Variants in PAK5 observed in about 807,000 individuals in gnomAD.
The protein encoded by PAK5 is p21 (RAC1) activated kinase 5.
In PAK5, 16 loss-of-function variants were observed where a neutral mutation model predicts 65.9. The ratio of observed to expected loss-of-function variants is 0.24; its 90% CI spans 0.16 to 0.37. The LOEUF (loss-of-function observed/expected upper bound fraction) is 0.37. PAK5 is among the 10% of genes least tolerant of loss of function. PAK5 has a pLI of 1.00. For synonymous variants in PAK5, 371 were observed against 354.9 expected (o/e 1.05, Z -0.51); for missense variants, 785 against 903.9 (o/e 0.87, Z 1.69).
intron 1 of PAK5, among the ~76,000 whole-genome samples, chr20:9,734,413 C>T (rs1409836585): frequency 6.6e-6 from 1 of 151,890 alleles, no homozygotes. Flanking sequence ...GGGATACATA[C>T]AGGGAGAGAC....
chr20:9,695,737 T>C (rs1211630346), intron 2 of PAK5, among the ~76,000 whole-genome samples: 2 of 152,106 alleles, frequency 1.3e-5, no homozygotes, highest in Non-Finnish European at 2.9e-5. Context: ...AAGGATACTG[T>C]TGAGAAGCTA....
At chr20:9,630,445 A>G (rs2123224241) in intron 3 of PAK5, among the ~76,000 whole-genome samples, 1 of 152,354 alleles carries the variant, frequency 6.6e-6, no homozygotes, top group South Asian at 2.1e-4. Flanking sequence ...AAGGAGGCCA[A>G]GGAACAGGAA....
At chr20:9,680,047 C>G (rs1316706208) in intron 2 of PAK5, among the ~76,000 whole-genome samples, 1 of 152,164 alleles carries the variant, frequency 6.6e-6, no homozygotes, top group African/African-American at 2.4e-5. Context: ...TTTTCAAAAC[C>G]TACCTATGTG....
At chr20:9,702,505 G>A (rs1569048472) in intron 2 of PAK5, among the ~76,000 whole-genome samples, 1 of 152,126 alleles carries the variant, frequency 6.6e-6, no homozygotes, top group East Asian at 1.9e-4. Flanking sequence ...ATCACGATGT[G>A]TAAAATGTAC....
chr20:9,682,572 A>G (rs931554415), intron 2 of PAK5, among the ~76,000 whole-genome samples: 2 of 152,188 alleles, frequency 1.3e-5, no homozygotes, highest in African/African-American at 2.4e-5. Context: ...TGAGCTTGCA[A>G]TGGTTTTATT....
chr20:9,699,751 A>T (rs1297616310), intron 2 of PAK5, among the ~76,000 whole-genome samples: 1 of 152,074 alleles, frequency 6.6e-6, no homozygotes, highest in Non-Finnish European at 1.5e-5. Context: ...CTTGGAAAAA[A>T]AAGTGAAATA....
chr20:9,670,274 T>C (rs1036635684), intron 2 of PAK5, among the ~76,000 whole-genome samples: 119 of 152,352 alleles, frequency 7.8e-4, no homozygotes, highest in Non-Finnish European at 1.3e-3. Flanking sequence ...TATAATCCTC[T>C]GGGTATATAC....
At chr20:9,676,346 A>G (rs942919413) in intron 2 of PAK5, among the ~76,000 whole-genome samples, 1 of 152,158 alleles carries the variant, frequency 6.6e-6, no homozygotes, top group Non-Finnish European at 1.5e-5. Context: ...AATTGGGTCA[A>G]TCTATATATT....
intron 1 of PAK5, among the ~76,000 whole-genome samples, chr20:9,816,461 G>C (rs2049358486): frequency 6.6e-6 from 1 of 152,118 alleles, no homozygotes; most frequent in African/African-American, 2.4e-5. Context: ...TGAATCAGCA[G>C]CCTGGGTAAA....
chr20:9,818,276 T>A (rs1243799471), intron 1 of PAK5, among the ~76,000 whole-genome samples: 4 of 152,156 alleles, frequency 2.6e-5, no homozygotes, highest in African/African-American at 9.7e-5. Flanking sequence ...AGTTTAGCCA[T>A]CCTCCTTACC....
intron 1 of PAK5, among the ~76,000 whole-genome samples, chr20:9,781,602 C>A (rs1376968489): frequency 6.6e-6 from 1 of 152,112 alleles, no homozygotes; most frequent in Admixed American, 6.6e-5. Flanking sequence ...CATGCCTAAA[C>A]CTGAATTCCT....
chr20:9,824,398 A>T (rs2049460643), intron 1 of PAK5, among the ~76,000 whole-genome samples: 1 of 152,180 alleles, frequency 6.6e-6, no homozygotes, highest in South Asian at 2.1e-4. Context: ...TTAAAAAAAA[A>T]TTTCCAAAAA....
At chr20:9,765,585 A>T (rs1287798118) in intron 1 of PAK5, among the ~76,000 whole-genome samples, 1 of 152,068 alleles carries the variant, frequency 6.6e-6, no homozygotes, top group Non-Finnish European at 1.5e-5. Context: ...GTAGCTTAAA[A>T]CTGGCCATGA....
At position 9,676,030 on chromosome 20, in the gene PAK5, T is replaced by C. The variant is rs2047566382; in HGVS notation, c.-11-31691A>G. Among the ~76,000 whole-genome samples, 5 of 152,264 alleles carry C rather than the reference T, an allele frequency of 3.3e-5. No homozygotes were observed. The South Asian group carries it at 1.0e-3, about 32-fold the overall frequency. ...CAATTTACAAAAGAAAGAGGTTTAA[T>C]TGGACTTAGAGTTGCACATGGCTGG... On this transcript the variant is annotated intron_variant, in intron 2 of 9. Transcript: ENST00000353224.
chr20:9,704,600 G>A (rs1345402103), intron 2 of PAK5, among the ~76,000 whole-genome samples: 1 of 152,094 alleles, frequency 6.6e-6, no homozygotes, highest in Non-Finnish European at 1.5e-5. Flanking sequence ...TATCTGTAGG[G>A]TATCTTGTCT....
At chr20:9,749,776 G>C (rs1161500575) in intron 1 of PAK5, among the ~76,000 whole-genome samples, 2 of 152,164 alleles carry the variant, frequency 1.3e-5, no homozygotes, top group Non-Finnish European at 2.9e-5. Context: ...TCCTTCATCA[G>C]GAAAGTCTTA....
chr20:9,789,926 A>G (rs1010769250), intron 1 of PAK5, among the ~76,000 whole-genome samples: 2 of 152,164 alleles, frequency 1.3e-5, no homozygotes, highest in Admixed American at 6.6e-5. Flanking sequence ...GATTGCAAAA[A>G]GATGCTGATG....
chr20:9,603,154 A>AAAATGGCC lies in PAK5; in HGVS notation c.205-22232_205-22225dup, dbSNP rs1408156619. Among the ~76,000 whole-genome samples the AAAATGGCC allele has an allele frequency of 3.3e-5, 5 of 152,208 alleles. No individual in the cohort carries two copies. In the East Asian group the frequency reaches 7.7e-4, roughly 23 times the overall value. On this transcript the variant is annotated intron_variant, in intron 3 of 9. Coordinates refer to ENST00000353224, the MANE Select transcript of PAK5 (RefSeq NM_177990.4). ...AAGATTATAGACGCCTCCGGTGTAGAAAATGGCCAAATGGCCTACAAGCTA... is the reference window on the plus strand; with the variant it reads ...AAGATTATAGACGCCTCCGGTGTAGAAAATGGCCAAATGGCCAAATGGCCTACAAGCTA...
chr20:9,623,929 C>T (rs966842463), intron 3 of PAK5, among the ~76,000 whole-genome samples: 2 of 152,146 alleles, frequency 1.3e-5, no homozygotes, highest in Admixed American at 6.5e-5. Flanking sequence ...AGGTGTGCAA[C>T]CTTGTGCTTT....
Sources: allele counts gnomAD v4.1 joint callset (sites outside exome capture counted in the v4.1 genomes callset), GRCh38; gene constraint gnomAD v4.1.1; transcripts MANE v1.5; gene names NCBI Gene and HGNC (gene_info 2026-07-23, HGNC 2026-07-21).